Variants in FRMD6 observed in about 807,000 individuals in gnomAD.
FRMD6 encodes FERM domain-containing protein 6.
FRMD6 carries 37 observed loss-of-function variants against 73.2 expected under a neutral mutation model. The observed-to-expected ratio is 0.51, with a 90% CI of 0.39 to 0.66. The LOEUF is 0.66. FRMD6 is among the 30% of genes least tolerant of loss of function. The pLI, the probability that FRMD6 is intolerant of heterozygous loss-of-function variation, is 0.00. For synonymous variants in FRMD6, 273 were observed against 282.2 expected (o/e 0.97, Z 0.33); for missense variants, 714 against 780.5 (o/e 0.91, Z 1.02).
At chr14:51,578,913 G>A (rs939925390) in intron 2 of FRMD6, 3 of 152,206 alleles carry the variant, frequency 2.0e-5, no homozygotes, top group African/African-American at 7.2e-5. Context: ...CCAGGCTTAG[G>A]AATATGAATG....
At chr14:51,480,475 A>G in the FRMD6 span, among the ~76,000 whole-genome samples, 1 of 152,138 alleles carries the variant, frequency 6.6e-6, no homozygotes, top group South Asian at 2.1e-4. Flanking sequence ...AGTGTGTAGA[A>G]AATTAAGACC....
the FRMD6 span, among the ~76,000 whole-genome samples, chr14:51,428,856 G>GC: frequency 6.6e-6 from 1 of 151,780 alleles, no homozygotes; most frequent in African/African-American, 2.4e-5. Flanking sequence ...AGTTTCTTGA[G>GC]CCCCAAGCTA....
the FRMD6 span, among the ~76,000 whole-genome samples, chr14:51,450,733 A>G: frequency 1.3e-5 from 2 of 152,236 alleles, no homozygotes; most frequent in African/African-American, 4.8e-5. Context: ...TTTGGGCCAA[A>G]CAAACCATGA....
At chr14:51,526,609 T>C (rs190863130) in intron 1 of FRMD6, among the ~76,000 whole-genome samples, 2 of 152,300 alleles carry the variant, frequency 1.3e-5, no homozygotes, top group African/African-American at 4.8e-5. Flanking sequence ...AATAAGCCTC[T>C]TACACTAAAT....
chr14:51,684,198 G>A (rs1895002350), intron 1 of FRMD6, among the ~76,000 whole-genome samples: 1 of 151,090 alleles, frequency 6.6e-6, no homozygotes, highest in Non-Finnish European at 1.5e-5. Context: ...GAGTATGCAA[G>A]CAAATTAAAA....
Position 51,716,929 on chromosome 14 carries a change from C to T in FRMD6, c.1024+1430C>T, listed in dbSNP as rs193265006. Reference sequence around the variant, plus strand: ...TTGCCAAGTCAGCTTCATTCCTAAACGTCTAACATGGCACCTTGAGAAGTT... The same window carrying T: ...TTGCCAAGTCAGCTTCATTCCTAAATGTCTAACATGGCACCTTGAGAAGTT... On this transcript the variant is annotated intron_variant, in intron 10 of 13. Transcript: ENST00000344768. Among the ~76,000 whole-genome samples the T allele has an allele frequency of 1.0e-3, 159 of 152,352 alleles. 2 individuals are homozygous for T. The highest frequency in any genetic ancestry group is 3.7e-3 in the African/African-American group (152 of 41,578).
chr14:51,569,383 C>A (rs1887971704), intron 1 of FRMD6, among the ~76,000 whole-genome samples: 1 of 152,074 alleles, frequency 6.6e-6, no homozygotes, highest in Non-Finnish European at 1.5e-5. Flanking sequence ...AGTGCCTTAA[C>A]TTAGGCAAAC....
At chr14:51,416,678 G>T in the FRMD6 span, among the ~76,000 whole-genome samples, 1 of 152,190 alleles carries the variant, frequency 6.6e-6, no homozygotes, top group Admixed American at 6.5e-5. Context: ...TCTGCTTGTC[G>T]CAGAGCTGAG....
chr14:51,421,590 G>A, the FRMD6 span, among the ~76,000 whole-genome samples: 4,511 of 152,250 alleles, frequency 0.03, 161 homozygotes, highest in African/African-American at 0.077. Flanking sequence ...GAATTGTATA[G>A]CAAAAGAACC....
chr14:51,425,205 A>C, the FRMD6 span, among the ~76,000 whole-genome samples: 1 of 151,980 alleles, frequency 6.6e-6, no homozygotes, highest in African/African-American at 2.4e-5. Flanking sequence ...GCTGCCACCC[A>C]ATCTCATTCC....
the FRMD6 span, among the ~76,000 whole-genome samples, chr14:51,428,756 G>C: frequency 1.5e-3 from 222 of 152,210 alleles, 1 homozygote; most frequent in African/African-American, 5.2e-3. Context: ...TCCAATCCTT[G>C]TGGGTCTGGG....
At chr14:51,636,106 C>G (rs567321518) in intron 2 of FRMD6, among the ~76,000 whole-genome samples, 1 of 152,266 alleles carries the variant, frequency 6.6e-6, no homozygotes, top group Non-Finnish European at 1.5e-5. Flanking sequence ...GCAGAAGTTG[C>G]GTCTGTGTCT....
chr14:51,663,135 G>A (rs894497895), intron 1 of FRMD6, among the ~76,000 whole-genome samples: 11 of 152,182 alleles, frequency 7.2e-5, no homozygotes, highest in African/African-American at 2.7e-4. Flanking sequence ...GCAAGGTTGT[G>A]GAGGAAAAGG....
At chr14:51,696,174 T>A (rs1225153302) in intron 2 of FRMD6, among the ~76,000 whole-genome samples, 1 of 151,364 alleles carries the variant, frequency 6.6e-6, no homozygotes, top group African/African-American at 2.4e-5. Context: ...AAGCTGTGAG[T>A]TGCTGCCTTT....
the FRMD6 span, among the ~76,000 whole-genome samples, chr14:51,443,249 G>T: frequency 6.6e-6 from 1 of 152,154 alleles, no homozygotes; most frequent in Non-Finnish European, 1.5e-5. Flanking sequence ...CTCTGACTTT[G>T]TTTCATCATG....
intron 1 of FRMD6, among the ~76,000 whole-genome samples, chr14:51,670,518 C>G (rs1893929183): frequency 6.6e-6 from 1 of 152,076 alleles, no homozygotes; most frequent in African/African-American, 2.4e-5. Context: ...TTTATGTGTA[C>G]TCATGTTTAA....
intron 2 of FRMD6, among the ~76,000 whole-genome samples, chr14:51,617,257 T>C (rs997612057): frequency 6.6e-6 from 1 of 152,030 alleles, no homozygotes; most frequent in Non-Finnish European, 1.5e-5. Context: ...TATGATAGCC[T>C]GGCAAAAAAG....
Position 51,728,132 on chromosome 14 carries a change from A to C in FRMD6, c.*103A>C. ...CTTGTGCCATATCTTCTTCACCCTA[A>C]ACATAGCTCTTTCTTTATAATATTT... On this transcript the variant is annotated 3_prime_UTR_variant, in exon 14 of 14. Transcript: ENST00000344768. The C allele has an allele frequency of 9.8e-7, 1 of 1,016,610 alleles. No homozygotes were observed. The highest frequency in any genetic ancestry group is 1.4e-6 in the Non-Finnish European group (1 of 706,060). 63.0% of individuals were successfully genotyped at this position (1,016,610 alleles called of 1,614,324 possible). A position where few individuals can be genotyped will look rare whatever the true frequency, so the allele number is the denominator to read the frequency against.
At chr14:51,603,975 T>G (rs1317219142) in intron 2 of FRMD6, among the ~76,000 whole-genome samples, 1 of 147,096 alleles carries the variant, frequency 6.8e-6, no homozygotes, top group African/African-American at 2.5e-5. Flanking sequence ...TAAGATGAAA[T>G]ACATGGAGTG....
Sources: gnomAD v4.1 joint callset for allele counts (sites outside exome capture counted in the v4.1 genomes callset) on GRCh38, gnomAD v4.1.1 for gene constraint, MANE v1.5 for transcripts, NCBI Gene and HGNC (gene_info 2026-07-23, HGNC 2026-07-21) for gene names.